The following TSPAN9 variants were observed in gnomAD, a reference collection of about 807,000 sequenced individuals.
TSPAN9 encodes tetraspanin 9, also known as tetraspanin-9.
A neutral mutation model predicts 31.0 loss-of-function variants in TSPAN9; 16 were observed. The ratio of observed to expected loss-of-function variants is 0.52; its 90% CI spans 0.35 to 0.78. The LOEUF is 0.78. Ranked by LOEUF, TSPAN9 falls within the 30% of genes least tolerant of loss-of-function variation. The pLI, the probability that TSPAN9 is intolerant of heterozygous loss-of-function variation, is 0.01. For synonymous variants in TSPAN9, 145 were observed against 121.6 expected, an observed-to-expected ratio of 1.19 and a Z score of -1.27; for missense variants, 272 against 312.5, an observed-to-expected ratio of 0.87 and a Z score of 0.98.
At chr12:3,218,622 G>A (rs1175701737) in intron 3 of TSPAN9, among the ~76,000 whole-genome samples, 1 of 152,188 alleles carries the variant, frequency 6.6e-6, no homozygotes, top group Admixed American at 6.5e-5. Context: ...CTGGGAATGG[G>A]GAGGAGGAGA....
Position 3,192,049 on chromosome 12 carries a change from G to A in TSPAN9, c.-17-9128G>A, listed in dbSNP as rs1181972308. On this transcript the variant is annotated intron_variant, in intron 2 of 8. Transcript: ENST00000011898. The surrounding 1 kb of genome is among the most constrained non-coding windows in gnomAD (Gnocchi z 4.6). Reference sequence around the variant, plus strand: ...AAGCAGAGGGAACAGCATGGGCGGAGGCTCTGAGGAGGTCAGAGCACCGAG... The same window carrying A: ...AAGCAGAGGGAACAGCATGGGCGGAAGCTCTGAGGAGGTCAGAGCACCGAG... Among the ~76,000 whole-genome samples the A allele has an allele frequency of 6.6e-6, 1 of 152,140 alleles. No homozygotes were observed. Among genetic ancestry groups the A allele is most frequent in the East Asian group, 1.9e-4 (1 of 5,192 alleles).
chr12:3,149,419 C>T (rs1203984601), intron 2 of TSPAN9, among the ~76,000 whole-genome samples: 1 of 152,208 alleles, frequency 6.6e-6, no homozygotes, highest in Non-Finnish European at 1.5e-5. Context: ...ACCTGAAATT[C>T]AGCAGAGTCC....
In TSPAN9 at chr12:3,107,184, G is replaced by A. The variant is rs916360373; in HGVS notation, c.-18+23465G>A. 1.8e-4 allele frequency among the ~76,000 whole-genome samples: 27 copies of A among 152,124 alleles called. No individual in the cohort carries two copies. The highest frequency in any genetic ancestry group is 6.3e-4 in the African/African-American group (26 of 41,428). On this transcript the variant is annotated intron_variant, in intron 2 of 8. Transcript: ENST00000011898. The surrounding 1 kb of genome is among the most constrained non-coding windows in gnomAD (Gnocchi z 4.1). ...ACTTGAGCCGCCGGCGGCCCCCTCC[G>A]TGGGGAGTGGGGGAGGGAGGCTCTA...
chr12:3,274,097 T>C (rs553664995), intron 3 of TSPAN9, among the ~76,000 whole-genome samples: 1 of 152,326 alleles, frequency 6.6e-6, no homozygotes, highest in East Asian at 1.9e-4. Context: ...AGTTCTTGAC[T>C]GTGTGGACTG....
chr12:3,102,884 T>A (rs2098312515), intron 2 of TSPAN9, among the ~76,000 whole-genome samples: 1 of 152,176 alleles, frequency 6.6e-6, no homozygotes, highest in Non-Finnish European at 1.5e-5. Context: ...GAGAGGGACA[T>A]CCCAGTGTCC....
intron 2 of TSPAN9, among the ~76,000 whole-genome samples, chr12:3,167,573 C>T (rs2098349191): frequency 6.6e-6 from 1 of 152,156 alleles, no homozygotes; most frequent in Admixed American, 6.5e-5. Context: ...CAAGGTTGGG[C>T]TGGAAGGGAT....
chr12:3,114,883 A>T (rs2098321392), intron 2 of TSPAN9, among the ~76,000 whole-genome samples: 2 of 151,792 alleles, frequency 1.3e-5, no homozygotes, highest in African/African-American at 4.8e-5. Context: ...ATCTGATAAC[A>T]TTAAGGAAGA....
intron 2 of TSPAN9, among the ~76,000 whole-genome samples, chr12:3,189,659 A>G (rs558377676): frequency 2.0e-5 from 3 of 152,210 alleles, no homozygotes; most frequent in Non-Finnish European, 4.4e-5. Flanking sequence ...AGTTGTGACT[A>G]TTTTCACCTC....
At chr12:3,219,787 A>C (rs2098383351) in intron 3 of TSPAN9, among the ~76,000 whole-genome samples, 1 of 151,068 alleles carries the variant, frequency 6.6e-6, no homozygotes, top group African/African-American at 2.4e-5. Flanking sequence ...CCACCATGGC[A>C]CATGTATACC....
At chr12:3,125,224 T>TA (rs948190842) in intron 2 of TSPAN9, among the ~76,000 whole-genome samples, 1 of 151,234 alleles carries the variant, frequency 6.6e-6, no homozygotes, top group African/African-American at 2.4e-5. Flanking sequence ...TTTTTTTTTT[T>TA]ATGTTATGTA....
At chr12:3,158,721 CAAAAAA>C (rs765787475) in intron 2 of TSPAN9, among the ~76,000 whole-genome samples, 5 of 57,898 alleles carry the variant, frequency 8.6e-5, no homozygotes, top group Admixed American at 8.1e-4. Flanking sequence ...GACTCTGTCT[CAAAAAA>C]AAAAAAAAAA....
chr12:3,113,168 C>T lies in TSPAN9; in HGVS notation c.-18+29449C>T, dbSNP rs141860073. On this transcript the variant is annotated intron_variant, in intron 2 of 8. Transcript: ENST00000011898. ...CTTACATTCTAATGTAAGAGCCCATCAAGGGAATACATGTCTGTTGGGTAG... is the reference window on the plus strand; with the variant it reads ...CTTACATTCTAATGTAAGAGCCCATTAAGGGAATACATGTCTGTTGGGTAG... 3.9e-5 allele frequency among the ~76,000 whole-genome samples: 6 copies of T among 152,244 alleles called. No homozygotes were observed. In the East Asian group the frequency reaches 1.2e-3, roughly 29 times the overall value.
At chr12:3,277,800 G>A (rs1322389226) in intron 3 of TSPAN9, among the ~76,000 whole-genome samples, 1 of 152,180 alleles carries the variant, frequency 6.6e-6, no homozygotes, top group Non-Finnish European at 1.5e-5. Context: ...GGCAGCCGTG[G>A]ACTCCCACGT....
chr12:3,242,274 C>T (rs1441262072), intron 3 of TSPAN9, among the ~76,000 whole-genome samples: 1 of 152,228 alleles, frequency 6.6e-6, no homozygotes, highest in Non-Finnish European at 1.5e-5. Flanking sequence ...GAGGCCCTTG[C>T]CAGCAGCCTG....
chr12:3,155,609 AT>A (rs1171555394), intron 2 of TSPAN9, among the ~76,000 whole-genome samples: 2 of 150,806 alleles, frequency 1.3e-5, no homozygotes, highest in East Asian at 3.9e-4. Flanking sequence ...AAAAAAAAAA[AT>A]AAAGAGGGAG....
At position 3,273,337 on chromosome 12, in the gene TSPAN9, G is replaced by T. The variant is rs1468564195; in HGVS notation, c.64-5084G>T. 2.6e-5 allele frequency: 4 copies of T among 152,384 alleles called. No homozygotes were observed. In the East Asian group the frequency reaches 7.7e-4, roughly 29 times the overall value. 9.4% of individuals were successfully genotyped at this position (152,384 alleles called of 1,614,324 possible). ...TTTTGAAATGCCTTCGGCTGGGGAA[G>T]GGGCAGGGGAGGCTTGGTACTCAGG... On this transcript the variant is annotated intron_variant, in intron 3 of 8. Transcript: ENST00000011898.
intron 3 of TSPAN9, among the ~76,000 whole-genome samples, chr12:3,262,465 A>G (rs966703768): frequency 1.4e-5 from 2 of 146,158 alleles, no homozygotes; most frequent in Admixed American, 6.9e-5. Flanking sequence ...TCTTTTTGCT[A>G]TTTTCAATAT....
chr12:3,089,875 C>T lies in TSPAN9; in HGVS notation c.-18+6156C>T, dbSNP rs192164817. ...GAGCTGTGATCACGCCGCTGTACTC[C>T]AGCCTGGGCAACAGAGTGAGATCCT... On this transcript the variant is annotated intron_variant, in intron 2 of 8. Transcript: ENST00000011898. Among the ~76,000 whole-genome samples, 203 of 152,182 alleles carry T rather than the reference C, an allele frequency of 1.3e-3. 5 individuals are homozygous for T. Among genetic ancestry groups the T allele is most frequent in the Non-Finnish European group, 1.4e-3 (93 of 68,006 alleles).
At chr12:3,118,610 A>G (rs1446733799) in intron 2 of TSPAN9, among the ~76,000 whole-genome samples, 1 of 151,616 alleles carries the variant, frequency 6.6e-6, no homozygotes, top group African/African-American at 2.4e-5. Context: ...CTTATTTTAT[A>G]TTTATTGACA....
Sources: gnomAD v4.1 joint callset for allele counts (sites outside exome capture counted in the v4.1 genomes callset) on GRCh38, gnomAD v4.1.1 for gene constraint, Gnocchi (gnomAD v3.1) non-coding constraint, MANE v1.5 for transcripts, NCBI Gene and HGNC (gene_info 2026-07-23, HGNC 2026-07-21) for gene names.